The following TSR3 variants were observed in gnomAD, a reference collection of about 807,000 sequenced individuals.
TSR3 encodes the protein TSR3 ribosome maturation factor.
Under a neutral mutation model 28.1 loss-of-function variants are expected in TSR3, and 31 were observed. The ratio of observed to expected loss-of-function variants is 1.10; its 90% confidence interval spans 0.83 to 1.49. The LOEUF (loss-of-function observed/expected upper bound fraction) is 1.49. Among genes scored for constraint, TSR3 ranks in the 40% most tolerant of loss-of-function variants. The pLI is 0.00. For synonymous variants in TSR3, 219 were observed against 197.2 expected, an observed-to-expected ratio of 1.11 and a Z score of -0.93; for missense variants, 511 against 444.0, an observed-to-expected ratio of 1.15 and a Z score of -1.36.
At chr16:1,351,272 C>G in intron 2 of TSR3, 107 bp downstream of exon 2, 1 of 1,251,324 alleles carries the variant, frequency 8.0e-7, no homozygotes, top group Non-Finnish European at 1.1e-6. Flanking sequence ...GTTCCCTGCC[C>G]ACGTGGGTGT....
At chr16:1,350,015 C>T in intron 4 of TSR3, 43 bp downstream of exon 4, 4 of 1,610,866 alleles carry the variant, frequency 2.5e-6, no homozygotes, top group Non-Finnish European at 1.7e-6. Flanking sequence ...CTCCCACCCC[C>T]CAGGCTTTGG....
chr16:1,351,627 C>G lies in TSR3; in HGVS notation c.113-29G>C, dbSNP rs373656284. The G allele has an allele frequency of 6.3e-3, 9,162 of 1,450,186 alleles. 75 individuals are homozygous for G. The highest frequency in any genetic ancestry group is 0.025 in the Middle Eastern group (142 of 5,724). 89.8% of individuals were successfully genotyped at this position (1,450,186 alleles called of 1,614,324 possible). On this transcript the variant is annotated intron_variant, in intron 1 of 5. Coordinates refer to ENST00000007390, the MANE Select transcript of TSR3 (RefSeq NM_001001410.3). ...CACGAGAGAGAGAAGGGCACTCGGC[C>G]TCAGCGTGGGACCCCCGGGCAGGCC... is the stretch of plus-strand genomic sequence containing the variant.
At position 1,350,798 on chromosome 16, in the gene TSR3, T is replaced by C. The variant is rs567403689; in HGVS notation, c.526+9A>G. The C allele has an allele frequency of 3.3e-5, 53 of 1,610,688 alleles. No individual in the cohort carries two copies. The Middle Eastern group carries it at 5.0e-4, about 15-fold the overall frequency. ...CCGGGTCACACTGCTGTGGGGCCCC[T>C]GGACTCACCTACGATGCAGAAGGTG... On this transcript the variant is annotated intron_variant, in intron 3 of 5. Transcript: ENST00000007390.
At chr16:1,350,745 C>A in intron 3 of TSR3, 62 bp downstream of exon 3, 2 of 1,549,920 alleles carry the variant, frequency 1.3e-6, no homozygotes, top group Non-Finnish European at 1.8e-6. Flanking sequence ...AAACATGATG[C>A]TGGGAGCATA....
rs752311981 is a variant in TSR3 at position 1,350,033 on chromosome 16, T to C, written c.703+25A>G. 9.9e-6 allele frequency: 16 copies of C among 1,609,876 alleles called. No individual in the cohort carries two copies. The South Asian group carries it at 1.2e-4, about 12-fold the overall frequency. On this transcript the variant is annotated intron_variant, in intron 4 of 5. Transcript: ENST00000007390. ...CCACCCCCCAGGCTTTGGAGGGCCTTGGTTCCCACCCCGCCAAGGCTCACC... is the reference window on the plus strand; with the variant it reads ...CCACCCCCCAGGCTTTGGAGGGCCTCGGTTCCCACCCCGCCAAGGCTCACC...
chr16:1,349,889 C>G lies in TSR3; in HGVS notation c.767G>C (p.Arg256Pro), dbSNP rs965534530. 1 of 1,613,710 alleles carries G rather than the reference C, an allele frequency of 6.2e-7. No individual in the cohort carries two copies. The highest frequency in any genetic ancestry group is 1.1e-5 in the South Asian group (1 of 91,080). Residue 256 changes from arginine to proline, a missense_variant and splice_region_variant, in exon 5 of 6, where the codon CGG (arginine) becomes CCG (proline). Arg to Pro is a moderately radical substitution (Grantham distance 103). Transcript: ENST00000007390. ...CATGAAATTAAGCCCAAGGACCTAC[C>G]GGGTGCTGGCCACAGGCCTGTTGGG... ...GNPNRPVAST[R>P]LPSDTDDSDA...
chr16:1,350,352 A>C, intron 3 of TSR3, 118 bp from the exon 4 acceptor site: 2 of 1,132,658 alleles, frequency 1.8e-6, no homozygotes, highest in African/African-American at 1.6e-5. Flanking sequence ...CCCAGCAAAC[A>C]TCAGCTCACA....
intron 5 of TSR3, 111 bp from the exon 6 acceptor site, chr16:1,349,719 G>C: frequency 7.1e-7 from 1 of 1,408,154 alleles, no homozygotes; most frequent in Non-Finnish European, 9.6e-7. Context: ...TCCTCCCTGT[G>C]CTCTCCACAC....
In TSR3 at chr16:1,351,696, G is replaced by T; in HGVS notation, c.109C>A (p.Gln37Lys). The T allele has an allele frequency of 2.2e-6, 3 of 1,375,384 alleles. No individual in the cohort carries two copies. The highest frequency in any genetic ancestry group is 2.8e-6 in the Non-Finnish European group (3 of 1,070,028). 85.2% of individuals were successfully genotyped at this position (1,375,384 alleles called of 1,614,324 possible). ...AFAEEVGAAL[Q>K]ASVEPGAADG... Reference sequence around the variant, plus strand: ...CTCCCCATCACGCCTCGCTCACCCTGCAGCGCGGCGCCGACCTCCTCGGCG... The same window carrying T: ...CTCCCCATCACGCCTCGCTCACCCTTCAGCGCGGCGCCGACCTCCTCGGCG... Residue 37 changes from glutamine (Q) to lysine (K), a missense_variant, in exon 1 of 6, where the codon CAG becomes AAG. Coordinates refer to ENST00000007390, the MANE Select transcript of TSR3 (RefSeq NM_001001410.3).
At chr16:1,350,268 T>A (rs1172068001) in intron 3 of TSR3, 34 bp from the exon 4 acceptor site, 13 of 1,559,102 alleles carry the variant, frequency 8.3e-6, no homozygotes, top group African/African-American at 1.4e-5. Flanking sequence ...CCCAAAGAAG[T>A]CGACGGTCCC....
chr16:1,350,889 C>T lies in TSR3; in HGVS notation c.444G>A (p.Leu148=), dbSNP rs1211944747. The T allele has an allele frequency of 6.2e-7, 1 of 1,612,906 alleles. No homozygotes were observed. Among genetic ancestry groups the T allele is most frequent in the African/African-American group, 1.3e-5 (1 of 74,908 alleles). The change falls in exon 3 of 6, where the codon CTG becomes CTA. Residue 148 remains leucine (L), a synonymous_variant. Transcript: ENST00000007390. Reference sequence around the variant, plus strand: ...CATAGTTCACGGGGTTGGCGGCCACCAGGTAGGGCAACAGGCGCAAGTGGC... The same window carrying T: ...CATAGTTCACGGGGTTGGCGGCCACTAGGTAGGGCAACAGGCGCAAGTGGC... The part of the protein sequence containing the change: ...RGSHLRLLPY[L]VAANPVNYGR...
At position 1,350,810 on chromosome 16, in the gene TSR3, C is replaced by T. The variant is rs771962406; in HGVS notation, c.523G>A (p.Val175Ile). The change falls in exon 3 of 6, where the codon GTA becomes ATA. Residue 175 changes from valine to isoleucine, a missense_variant. Val to Ile is a conservative substitution (Grantham distance 29, BLOSUM62 3). Transcript: ENST00000007390. The stretch of plus-strand genomic sequence containing the variant: ...GCTGTGGGGCCCCTGGACTCACCTA[C>T]GATGCAGAAGGTGGCAGCAAACGCT... ...VEAFAATFCI[V>I]GFPDLAVILL... 1.2e-5 allele frequency: 19 copies of T among 1,612,018 alleles called. No individual in the cohort carries two copies. Among genetic ancestry groups the T allele is most frequent in the South Asian group, 7.7e-5 (7 of 91,050 alleles).
Position 1,349,323 on chromosome 16 carries a change from C to T in TSR3, c.*114G>A, listed in dbSNP as rs2034594085. 2 of 1,182,724 alleles carry T rather than the reference C, an allele frequency of 1.7e-6. No individual in the cohort carries two copies. Among genetic ancestry groups the T allele is most frequent in the Non-Finnish European group, 1.3e-6 (1 of 792,076 alleles). 73.3% of individuals were successfully genotyped at this position (1,182,724 alleles called of 1,614,324 possible). ...GCTGGAAGTGTGGGGAGAACCCGGA[C>T]AGCTCAGTCCTGCCAGCAGCCGCAA... On this transcript the variant is annotated 3_prime_UTR_variant, in exon 6 of 6. Coordinates refer to ENST00000007390, the MANE Select transcript of TSR3 (RefSeq NM_001001410.3).
In TSR3 at chr16:1,349,575, A is replaced by G; in HGVS notation, c.801T>C (p.Ser267=). ...LPSDTDDSDA[S]EDPGPGAERG... is the part of the protein sequence containing the mutation. The stretch of plus-strand genomic sequence containing the variant: ...GCTCGGCGCCAGGCCCTGGGTCCTC[A>G]GACGCATCACTGTCATCAGTGTCCG... Residue 267 remains serine (S), a synonymous_variant, in exon 6 of 6, where the codon TCT becomes TCC. Transcript: ENST00000007390. The G allele has an allele frequency of 6.2e-7, 1 of 1,611,720 alleles. No homozygotes were observed. Among genetic ancestry groups the G allele is most frequent in the Non-Finnish European group, 8.5e-7 (1 of 1,179,334 alleles).
In TSR3 at chr16:1,351,593, C is replaced by A. The variant is rs2034681710; in HGVS notation, c.118G>T (p.Val40Leu). The A allele has an allele frequency of 3.4e-6, 5 of 1,475,398 alleles. No individual in the cohort carries two copies. The highest frequency in any genetic ancestry group is 4.5e-6 in the Non-Finnish European group (5 of 1,122,104). The allele number at this position is 1,475,398 out of a possible 1,614,324, so 91.4% of individuals were successfully genotyped here. The change falls in exon 2 of 6, where the codon GTG becomes TTG. Residue 40 changes from valine (V) to leucine (L), a missense_variant. Physicochemically the swap from Val to Leu is conservative, Grantham distance 32 (BLOSUM62 1). Coordinates refer to ENST00000007390, the MANE Select transcript of TSR3 (RefSeq NM_001001410.3). ...TCGCCGTCAGCCGCCCCTGGCTCCA[C>A]GGAAGCTGCACGAGAGAGAGAAGGG... ...EEVGAALQAS[V>L]EPGAADGEGG... is the part of the protein sequence containing the mutation.
At position 1,350,079 on chromosome 16, in the gene TSR3, T is replaced by C. The variant is rs761027314; in HGVS notation, c.682A>G (p.Ser228Gly). 18 of 1,607,774 alleles carry C rather than the reference T, an allele frequency of 1.1e-5. No individual in the cohort carries two copies. Among genetic ancestry groups the C allele is most frequent in the Non-Finnish European group, 1.4e-5 (17 of 1,176,188 alleles). Residue 228 changes from serine to glycine, a missense_variant, in exon 4 of 6, where the codon AGC becomes GGC. Coordinates refer to ENST00000007390, the MANE Select transcript of TSR3 (RefSeq NM_001001410.3). ...EQEFLANAKE[S>G]PQEEEIDPFD... is the part of the protein sequence containing the mutation. ...TCACCGATCTCCTCCTCCTGGGGGC[T>C]CTCCTTGGCATTGGCCAAGAACTCC...
At position 1,350,179 on chromosome 16, in the gene TSR3, G is replaced by A. The variant is rs759044782; in HGVS notation, c.582C>T (p.Phe194=). The change falls in exon 4 of 6, where the codon TTC becomes TTT. Residue 194 remains phenylalanine, a synonymous_variant. Transcript: ENST00000007390. ...LLRKFKWGKG[F]LDLNRQLLDK... The stretch of plus-strand genomic sequence containing the variant: ...CCAGGAGCTGGCGGTTCAGGTCCAA[G>A]AAGCCCTTGCCCCATTTAAACTTCC... 1.9e-6 allele frequency: 3 copies of A among 1,609,556 alleles called. No homozygotes were observed. The South Asian group carries it at 3.3e-5, about 18-fold the overall frequency.
At position 1,350,930 on chromosome 16, in the gene TSR3, C is replaced by T. The variant is rs761285879; in HGVS notation, c.403G>A (p.Gly135Arg). ...SWARLDETPFGKMRGSHLRLL... is the reference protein window; with the variant it reads ...SWARLDETPFRKMRGSHLRLL... ...CGCAAGTGGCTCCCTCGCATCTTCC[C>T]AAACGGTGTCTCGTCCAGCCTGGCC... is the stretch of plus-strand genomic sequence containing the variant. Residue 135 changes from glycine to arginine, a missense_variant, in exon 3 of 6, where the codon GGG becomes AGG. By Grantham distance (125) the Gly-to-Arg change is moderately radical. Transcript: ENST00000007390. 1 of 1,612,950 alleles carries T rather than the reference C, an allele frequency of 6.2e-7. No individual in the cohort carries two copies. Among genetic ancestry groups the T allele is most frequent in the East Asian group, 2.2e-5 (1 of 44,878 alleles).
intron 4 of TSR3, 26 bp from the exon 5 acceptor site, chr16:1,349,978 CTAAG>C (rs2034625254): frequency 1.2e-6 from 2 of 1,613,082 alleles, no homozygotes; most frequent in Non-Finnish European, 1.7e-6. Flanking sequence ...AAAGTGGCCT[CTAAG>C]TGAGCTCAGA....
Sources: gnomAD v4.1 joint callset for allele counts on GRCh38, gnomAD v4.1.1 for gene constraint, MANE v1.5 for transcripts, NCBI Gene and HGNC (gene_info 2026-07-23, HGNC 2026-07-21) for gene names.